ZDHHC1: variants seen among roughly 807,000 people sequenced by gnomAD.
The protein encoded by ZDHHC1 is zDHHC palmitoyltransferase 1.
ZDHHC1 carries 45 observed loss-of-function variants against 46.9 expected under a neutral mutation model. The ratio of observed to expected loss-of-function variants is 0.96; its 90% CI spans 0.76 to 1.23. The LOEUF (loss-of-function observed/expected upper bound fraction) is 1.23, where lower values mean the gene tolerates loss of function less well. ZDHHC1 is among the 50% of genes most tolerant of loss of function. ZDHHC1 has a pLI of 0.00. For missense variants in ZDHHC1, 649 were observed against 670.8 expected (o/e 0.97, Z 0.36); for synonymous variants, 291 against 286.0 (o/e 1.02, Z -0.18).
At chr16:67,413,650 C>G (rs1177431413) in intron 1 of ZDHHC1, among the ~76,000 whole-genome samples, 1 of 152,138 alleles carries the variant, frequency 6.6e-6, no homozygotes, top group Non-Finnish European at 1.5e-5. Flanking sequence ...AGGTGGAAGT[C>G]TGATGCTGGT....
chr16:67,408,166 G>A (rs2040695502), intron 1 of ZDHHC1, among the ~76,000 whole-genome samples: 1 of 151,962 alleles, frequency 6.6e-6, no homozygotes, highest in South Asian at 2.1e-4. Context: ...TTGGGTTTAG[G>A]GTTTTTTTTT....
chr16:67,398,117 G>T, intron 8 of ZDHHC1, 95 bp downstream of exon 8: 1 of 1,274,502 alleles, frequency 7.8e-7, no homozygotes, highest in Non-Finnish European at 1.1e-6. Flanking sequence ...GCTGTTCCAG[G>T]CTTGCCTCCC....
chr16:67,395,239 G>T lies in ZDHHC1; in HGVS notation c.1052C>A (p.Pro351Gln). ...FLATRGQAEP[P>Q]PPSSPDTLAL... Reference sequence around the variant, plus strand: ...GAGAGTGTCTGGGGAAGAGGGTGGTGGAGGTTCCGCTTGGCCACGGGTGGC... The same window carrying T: ...GAGAGTGTCTGGGGAAGAGGGTGGTTGAGGTTCCGCTTGGCCACGGGTGGC... Residue 351 changes from proline to glutamine, a missense_variant, in exon 10 of 12, where the codon CCA (proline) becomes CAA (glutamine). Transcript: ENST00000565726. 1 of 1,597,564 alleles carries T rather than the reference G, an allele frequency of 6.3e-7. No homozygotes were observed. Among genetic ancestry groups the T allele is most frequent in the Non-Finnish European group, 8.5e-7 (1 of 1,171,788 alleles).
Position 67,406,486 on chromosome 16 carries a change from T to C in ZDHHC1, c.10-44A>G, listed in dbSNP as rs8059722. 141,998 of 1,458,414 alleles carry C rather than the reference T, an allele frequency of 0.097. 16,439 individuals carry two copies. Among genetic ancestry groups the C allele is most frequent in the African/African-American group, 0.58 (40,665 of 70,132 alleles). 90.3% of individuals were successfully genotyped at this position (1,458,414 alleles called of 1,614,324 possible). On this transcript the variant is annotated intron_variant, in intron 2 of 11. Transcript: ENST00000565726. The surrounding 1 kb of genome is among the most constrained non-coding windows in gnomAD (Gnocchi z 4.1). ...TAGAGAGAGCATTAGCCCAAGAAGC[T>C]GGGCTGGAGCCCAGGGCCTGTGTCT...
chr16:67,401,236 C>T lies in ZDHHC1; in HGVS notation c.253-104G>A. On this transcript the variant is annotated intron_variant, in intron 3 of 11. Coordinates refer to ENST00000565726, the MANE Select transcript of ZDHHC1 (RefSeq NM_001323627.2). This position sits in a 1 kb window ranked among gnomAD's most constrained non-coding sequence, Gnocchi z 4.6. ...CACTGCCATGCCAGCCCGCTTTGTG[C>T]AGATTCTCTGCCTCTGCCACCTCCT... is the stretch of plus-strand genomic sequence containing the variant. 1 of 1,470,152 alleles carries T rather than the reference C, an allele frequency of 6.8e-7. No individual in the cohort carries two copies. The highest frequency in any genetic ancestry group is 9.1e-7 in the Non-Finnish European group (1 of 1,098,304). 91.1% of individuals were successfully genotyped at this position (1,470,152 alleles called of 1,614,324 possible).
At chr16:67,399,815 T>G (rs534784460) in intron 4 of ZDHHC1, among the ~76,000 whole-genome samples, 2 of 152,052 alleles carry the variant, frequency 1.3e-5, no homozygotes, top group South Asian at 4.2e-4. Context: ...CCCAGGGAGC[T>G]GCAGACAGCA....
intron 4 of ZDHHC1, 57 bp from the exon 5 acceptor site, chr16:67,399,513 G>A (rs908814309): frequency 7.5e-6 from 11 of 1,471,004 alleles, no homozygotes; most frequent in South Asian, 1.2e-5. Context: ...TCTGCGGCCC[G>A]GCCGGTCGGG....
intron 3 of ZDHHC1, among the ~76,000 whole-genome samples, chr16:67,403,696 G>A (rs914339704): frequency 6.6e-6 from 1 of 151,592 alleles, no homozygotes; most frequent in African/African-American, 2.4e-5. Context: ...TGCAGCCTCC[G>A]CCCCCCGACC....
At position 67,394,713 on chromosome 16, in the gene ZDHHC1, C is replaced by T. The variant is rs1036905545; in HGVS notation, c.1346G>A (p.Arg449Gln). ...AALAAPRGRG[R>Q]QPTLARQARA... ...CGCCTGCCGCGCCAGCGTGGGCTGT[C>T]GGCCCCGGCCCCGCGGGGCGGCCAG... Residue 449 changes from arginine (R) to glutamine (Q), a missense_variant, in exon 12 of 12, where the codon CGA (arginine) becomes CAA (glutamine). Transcript: ENST00000565726. 62 of 1,339,746 alleles carry T rather than the reference C, an allele frequency of 4.6e-5. No individual in the cohort carries two copies. The highest frequency in any genetic ancestry group is 5.8e-5 in the Non-Finnish European group (61 of 1,051,388). 83.0% of individuals were successfully genotyped at this position (1,339,746 alleles called of 1,614,324 possible). A position where few individuals can be genotyped will look rare whatever the true frequency, so the allele number is the denominator to read the frequency against.
chr16:67,415,301 C>T (rs2040815907), intron 1 of ZDHHC1, among the ~76,000 whole-genome samples: 1 of 151,500 alleles, frequency 6.6e-6, no homozygotes, highest in South Asian at 2.1e-4. Context: ...CTACCAAAAC[C>T]TTAAAAAATT....
At chr16:67,408,478 C>T (rs571417376) in intron 1 of ZDHHC1, among the ~76,000 whole-genome samples, 2 of 150,666 alleles carry the variant, frequency 1.3e-5, no homozygotes, top group African/African-American at 4.9e-5. Context: ...CCCGGCCTTG[C>T]TTTGTTTTGT....
chr16:67,398,174 C>A, intron 8 of ZDHHC1, 38 bp downstream of exon 8: 2 of 1,597,624 alleles, frequency 1.3e-6, no homozygotes, highest in South Asian at 1.1e-5. Context: ...CCAACACCCC[C>A]CACACCCAGG....
intron 1 of ZDHHC1, among the ~76,000 whole-genome samples, chr16:67,410,822 C>T (rs1417885899): frequency 6.6e-6 from 1 of 151,938 alleles, no homozygotes; most frequent in Non-Finnish European, 1.5e-5. Context: ...TGCACCACCA[C>T]GTCCAGCTAA....
chr16:67,404,529 T>C (rs2142246334), intron 3 of ZDHHC1: 1 of 358,460 alleles, frequency 2.8e-6, no homozygotes, highest in Middle Eastern at 1.0e-3. Context: ...GCATATAGGC[T>C]GGTCAGGCAT....
chr16:67,406,510 C>T lies in ZDHHC1; in HGVS notation c.10-68G>A, dbSNP rs1207085758. ...CTGGGCTGGAGCCCAGGGCCTGTGT[C>T]TGCAGCCAAGTTTCAGCACAGGGGG... On this transcript the variant is annotated intron_variant, in intron 2 of 11. Coordinates refer to ENST00000565726, the MANE Select transcript of ZDHHC1 (RefSeq NM_001323627.2). This position sits in a 1 kb window ranked among gnomAD's most constrained non-coding sequence, Gnocchi z 4.1. 6.9e-7 allele frequency: 1 copy of T among 1,444,596 alleles called. No homozygotes were observed. Among genetic ancestry groups the T allele is most frequent in the East Asian group, 2.5e-5 (1 of 39,714 alleles). 89.5% of individuals were successfully genotyped at this position (1,444,596 alleles called of 1,614,324 possible). A position where few individuals can be genotyped will look rare whatever the true frequency, so the allele number is the denominator to read the frequency against.
At chr16:67,399,055 C>A in intron 5 of ZDHHC1, 111 bp from the exon 6 acceptor site, 1 of 1,413,128 alleles carries the variant, frequency 7.1e-7, no homozygotes. Flanking sequence ...TGAGGGTGAC[C>A]CCACAGCCCC....
At chr16:67,395,106 G>A in intron 10 of ZDHHC1, 44 bp from the exon 11 acceptor site, 10 of 1,613,294 alleles carry the variant, frequency 6.2e-6, no homozygotes, top group Non-Finnish European at 7.6e-6. Flanking sequence ...ATCGCCAAAA[G>A]AAGCAGAGGC....
rs1223877422 is a variant in ZDHHC1 at position 67,408,341 on chromosome 16, A to AT, written c.-38-529dup. On this transcript the variant is annotated intron_variant, in intron 1 of 11. Transcript: ENST00000565726. ...CCACCACACCTGGCTACTTTATTTT[A>AT]TTTTTTTGTAAAGACAGGGTCCCAC... Among the ~76,000 whole-genome samples the AT allele has an allele frequency of 1.3e-5, 2 of 148,982 alleles. 1 individual carries two copies. The highest frequency in any genetic ancestry group is 5.0e-5 in the African/African-American group (2 of 40,272).
chr16:67,400,986 GTCT>G lies in ZDHHC1; in HGVS notation c.396_398del (p.Glu132del). ...CCACGTTGCACAAGTTGCAGTGCAG[GTCT>G]TCAATGACATGTGCGTGCTGGCTTC... On this transcript the variant is annotated inframe_deletion, in exon 4 of 12. Coordinates refer to ENST00000565726, the MANE Select transcript of ZDHHC1 (RefSeq NM_001323627.2). 6.2e-7 allele frequency: 1 copy of G among 1,614,078 alleles called. No homozygotes were observed. The highest frequency in any genetic ancestry group is 8.5e-7 in the Non-Finnish European group (1 of 1,180,022).
Sources: gnomAD v4.1 joint callset for allele counts (sites outside exome capture counted in the v4.1 genomes callset) on GRCh38, gnomAD v4.1.1 for gene constraint, Gnocchi (gnomAD v3.1) non-coding constraint, MANE v1.5 for transcripts, NCBI Gene and HGNC (gene_info 2026-07-23, HGNC 2026-07-21) for gene names.